Variants in TPTE observed in about 807,000 individuals in gnomAD.
TPTE encodes the protein putative tyrosine-protein phosphatase TPTE.
In TPTE, 59 loss-of-function variants were observed where a neutral mutation model predicts 84.1. That is an observed-to-expected ratio of 0.70 (90% CI 0.57 to 0.87). The LOEUF is 0.87. Ranked by LOEUF, TPTE falls within the 40% of genes least tolerant of loss-of-function variation. The pLI is 0.00. For missense variants in TPTE, 382 were observed against 659.6 expected (o/e 0.58, Z 4.61); for synonymous variants, 130 against 223.5 (o/e 0.58, Z 3.73).
chr21:10,527,052 T>G (rs562792034), intron 2 of TPTE, among the ~76,000 whole-genome samples: 3 of 152,422 alleles, frequency 2.0e-5, no homozygotes, highest in Non-Finnish European at 2.9e-5. Flanking sequence ...CTTGTTTATT[T>G]CCTACCAAGG....
chr21:10,548,137 A>G (rs212123), intron 7 of TPTE, among the ~76,000 whole-genome samples: 31,426 of 144,192 alleles, frequency 0.22, 66 homozygotes, highest in African/African-American at 0.47. Context: ...TTGCACCTGT[A>G]TCTCAGACCT....
At chr21:10,576,921 TAA>T (rs1177545612) in intron 14 of TPTE, among the ~76,000 whole-genome samples, 3 of 151,586 alleles carry the variant, frequency 2.0e-5, no homozygotes, top group Admixed American at 1.3e-4. Context: ...TTTAAAAAAA[TAA>T]AGAGAACAAA....
At chr21:10,532,446 A>G (rs577837004) in intron 3 of TPTE, among the ~76,000 whole-genome samples, 1 of 152,424 alleles carries the variant, frequency 6.6e-6, no homozygotes, top group South Asian at 2.1e-4. Context: ...GCAAAGATAC[A>G]CACTTTTGTT....
At position 10,604,915 on chromosome 21, in the gene TPTE, A is replaced by G. The variant is rs545065249; in HGVS notation, c.1521-502A>G. 1.5e-4 allele frequency among the ~76,000 whole-genome samples: 23 copies of G among 152,356 alleles called. No homozygotes were observed. In the East Asian group the frequency reaches 3.5e-3, roughly 23 times the overall value. On this transcript the variant is annotated intron_variant, in intron 23 of 23. Coordinates refer to ENST00000618007, the MANE Select transcript of TPTE (RefSeq NM_199261.4). ...TGTTTAGCTAAAAATGCTAACTTCT[A>G]TCATTGAGAACACGAGGCATAAATG...
chr21:10,550,404 A>T (rs1418231807), intron 7 of TPTE, among the ~76,000 whole-genome samples: 4 of 152,424 alleles, frequency 2.6e-5, no homozygotes, highest in Admixed American at 6.5e-5. Flanking sequence ...TTCTATGCAA[A>T]TGGAAGCCCA....
chr21:10,544,918 T>C (rs556495999), intron 7 of TPTE, among the ~76,000 whole-genome samples: 2 of 152,426 alleles, frequency 1.3e-5, no homozygotes, highest in Admixed American at 6.5e-5. Flanking sequence ...TTCATTAAGT[T>C]TTTTTCACAG....
chr21:10,532,274 A>G, intron 3 of TPTE, among the ~76,000 whole-genome samples: 1 of 152,426 alleles, frequency 6.6e-6, no homozygotes, highest in Middle Eastern at 3.4e-3. Context: ...GAATTTTTCC[A>G]TTCCATCTAA....
intron 8 of TPTE, among the ~76,000 whole-genome samples, chr21:10,555,193 G>C (rs2074657651): frequency 6.6e-6 from 1 of 152,294 alleles, no homozygotes; most frequent in African/African-American, 2.4e-5. Context: ...TTAAGGTTTA[G>C]TATCTCATAT....
chr21:10,552,618 T>C, intron 7 of TPTE, 39 bp from the exon 8 acceptor site: 1 of 1,613,520 alleles, frequency 6.2e-7, no homozygotes, highest in South Asian at 1.1e-5. Context: ...GTAGCAAATA[T>C]CTAATGATAT....
intron 17 of TPTE, among the ~76,000 whole-genome samples, chr21:10,587,518 C>T (rs796133524): frequency 7.9e-5 from 12 of 151,476 alleles, no homozygotes; most frequent in African/African-American, 2.9e-4. Context: ...TGACTTCCAG[C>T]TGCATCCATG....
rs764294602 is a variant in TPTE, at chr21:10,605,600, C to T, written c.*48C>T. On this transcript the variant is annotated 3_prime_UTR_variant, in exon 24 of 24. Transcript: ENST00000618007. ...TGGGAAAGAATTATGTTCTTTCCAACCCTGCCACATGTTCATATATCCTAA... is the reference window on the plus strand; with the variant it reads ...TGGGAAAGAATTATGTTCTTTCCAATCCTGCCACATGTTCATATATCCTAA... The T allele has an allele frequency of 2.9e-5, 47 of 1,613,224 alleles. No individual in the cohort carries two copies. Among genetic ancestry groups the T allele is most frequent in the Admixed American group, 6.7e-5 (4 of 59,910 alleles).
At chr21:10,533,801 T>C (rs1415034724) in intron 3 of TPTE, among the ~76,000 whole-genome samples, 1 of 152,308 alleles carries the variant, frequency 6.6e-6, no homozygotes, top group African/African-American at 2.4e-5. Flanking sequence ...AAGGAAAAGC[T>C]TTAGACAAGG....
At chr21:10,596,718 TC>T (rs1386845743) in intron 20 of TPTE, among the ~76,000 whole-genome samples, 1 of 152,308 alleles carries the variant, frequency 6.6e-6, no homozygotes, top group African/African-American at 2.4e-5. Context: ...GCAAACCTCT[TC>T]TAGCAGCCAG....
chr21:10,526,696 T>C (rs1281216550), intron 2 of TPTE, among the ~76,000 whole-genome samples: 1 of 152,310 alleles, frequency 6.6e-6, no homozygotes, highest in African/African-American at 2.4e-5. Flanking sequence ...TATCCGTTTA[T>C]ATTGCCACAT....
intron 10 of TPTE, among the ~76,000 whole-genome samples, chr21:10,566,214 C>T (rs1192432063): frequency 2.0e-5 from 3 of 152,304 alleles, no homozygotes; most frequent in African/African-American, 7.2e-5. Context: ...ATAGGCATTT[C>T]TCAAAATATA....
chr21:10,577,634 G>T, intron 15 of TPTE, 114 bp downstream of exon 15: 1 of 1,579,832 alleles, frequency 6.3e-7, no homozygotes, highest in South Asian at 1.1e-5. Context: ...GTAGTGGCAA[G>T]GAATGAATTT....
intron 7 of TPTE, among the ~76,000 whole-genome samples, chr21:10,548,050 G>A (rs2074501885): frequency 6.6e-6 from 1 of 152,308 alleles, no homozygotes; most frequent in South Asian, 2.1e-4. Flanking sequence ...GGCGTGCCCA[G>A]TAGCCCTCTG....
chr21:10,535,238 G>A (rs2074247182), intron 3 of TPTE, among the ~76,000 whole-genome samples: 2 of 152,422 alleles, frequency 1.3e-5, no homozygotes, highest in South Asian at 2.1e-4. Context: ...TTGAGTTGAT[G>A]GTAGTAACCT....
At chr21:10,550,791 CAGA>C (rs1280651458) in intron 7 of TPTE, among the ~76,000 whole-genome samples, 2 of 152,310 alleles carry the variant, frequency 1.3e-5, no homozygotes, top group Non-Finnish European at 2.9e-5. Context: ...CTAACAGCTG[CAGA>C]ATACACATTC....
Sources: allele counts gnomAD v4.1 joint callset (sites outside exome capture counted in the v4.1 genomes callset), GRCh38; gene constraint gnomAD v4.1.1; transcripts MANE v1.5; gene names NCBI Gene and HGNC (gene_info 2026-07-23, HGNC 2026-07-21).